CASC3: variants seen among roughly 807,000 people sequenced by gnomAD.
CASC3 encodes the protein protein CASC3.
A neutral mutation model predicts 80.5 loss-of-function variants in CASC3; 30 were observed. The ratio of observed to expected loss-of-function variants is 0.37; its 90% confidence interval spans 0.28 to 0.51. The LOEUF (loss-of-function observed/expected upper bound fraction) is 0.51. CASC3 is among the 20% of genes least tolerant of loss of function. CASC3 has a pLI of 0.94. For missense variants in CASC3, 824 were observed against 922.2 expected, an observed-to-expected ratio of 0.89 and a Z score of 1.38; for synonymous variants, 312 against 333.6, an observed-to-expected ratio of 0.94 and a Z score of 0.70.
intron 5 of CASC3, 70 bp from the exon 6 acceptor site, chr17:40,162,655 A>C (rs1026508878): frequency 1.1e-5 from 17 of 1,500,708 alleles, no homozygotes; most frequent in Non-Finnish European, 1.6e-5. Context: ...TCCCTGACCC[A>C]TTTTGTTCAA....
At chr17:40,149,032 T>C (rs1413176531) in intron 3 of CASC3, among the ~76,000 whole-genome samples, 1 of 152,076 alleles carries the variant, frequency 6.6e-6, no homozygotes, top group Non-Finnish European at 1.5e-5. Flanking sequence ...CGTGCCACCA[T>C]GCCTGGCTAA....
chr17:40,169,284 C>A, intron 11 of CASC3, 40 bp from the exon 12 acceptor site: 1 of 1,487,700 alleles, frequency 6.7e-7, no homozygotes, highest in Non-Finnish European at 8.9e-7. Context: ...TGGATGAATT[C>A]ATTCCTAACT....
intron 3 of CASC3, 117 bp from the exon 4 acceptor site, chr17:40,161,636 G>A: frequency 1.2e-6 from 1 of 831,330 alleles, no homozygotes; most frequent in Non-Finnish European, 2.0e-6. Flanking sequence ...CTGAGATTGT[G>A]CCACTGTATT....
At position 40,171,427 on chromosome 17, in the gene CASC3, C is replaced by G; in HGVS notation, c.*1022C>G. 1.0e-6 allele frequency: 1 copy of G among 986,228 alleles called. No homozygotes were observed. The highest frequency in any genetic ancestry group is 1.2e-6 in the Non-Finnish European group (1 of 830,116). The allele number at this position is 986,228 out of a possible 1,614,324, so 61.1% of individuals were successfully genotyped here. ...CCAGTTGCTGTGGACCAATGCATCTCTTTAAAGGCAAATATTATCCAGCAA... is the reference window on the plus strand; with the variant it reads ...CCAGTTGCTGTGGACCAATGCATCTGTTTAAAGGCAAATATTATCCAGCAA... On this transcript the variant is annotated 3_prime_UTR_variant, in exon 14 of 14. Transcript: ENST00000264645.
chr17:40,167,481 CTCTT>C lies in CASC3; in HGVS notation c.1537-11_1537-8del. The C allele has an allele frequency of 6.3e-7, 1 of 1,596,054 alleles. No homozygotes were observed. The highest frequency in any genetic ancestry group is 8.6e-7 in the Non-Finnish European group (1 of 1,163,954). On this transcript the variant is annotated splice_polypyrimidine_tract_variant and intron_variant, in intron 8 of 13. Transcript: ENST00000264645. ...CCTCTAGAATTCTTATTGTTTAGGC[CTCTT>C]TCTTTGTCTCAGGGTGTCCAGGGTG...
intron 6 of CASC3, 123 bp downstream of exon 6, chr17:40,163,024 C>A (rs2145176603): frequency 1.4e-6 from 1 of 702,888 alleles, no homozygotes; most frequent in Non-Finnish European, 2.3e-6. Flanking sequence ...AGTTCAAGAC[C>A]AGCCTGGGGA....
intron 3 of CASC3, among the ~76,000 whole-genome samples, chr17:40,159,386 T>G (rs1989231770): frequency 6.6e-6 from 1 of 152,142 alleles, no homozygotes; most frequent in Non-Finnish European, 1.5e-5. Flanking sequence ...GTTTGTTGTT[T>G]TTTGTTTGTT....
rs768305986 is a variant in CASC3, at chr17:40,140,566, G to A, written c.18G>A (p.Arg6=). The A allele has an allele frequency of 3.1e-6, 5 of 1,608,302 alleles. No homozygotes were observed. In the Admixed American group the frequency reaches 6.7e-5, roughly 21 times the overall value. Residue 6 remains arginine (R), a synonymous_variant, in exon 1 of 14, where the codon CGG becomes CGA. Coordinates refer to ENST00000264645, the MANE Select transcript of CASC3 (RefSeq NM_007359.5). ...TCCGTAAGATGGCGGACCGGCGGCG[G>A]CAGCGCGCTTCGCAAGACACCGAGG... MADRR[R]QRASQDTEDE...
chr17:40,161,071 C>T (rs1258862368), intron 3 of CASC3, among the ~76,000 whole-genome samples: 1 of 151,958 alleles, frequency 6.6e-6, no homozygotes, highest in Non-Finnish European at 1.5e-5. Flanking sequence ...GCTCTGCCTC[C>T]CTGGTTCAAA....
Position 40,171,953 on chromosome 17 carries a change from C to T in CASC3, c.*1548C>T. On this transcript the variant is annotated 3_prime_UTR_variant, in exon 14 of 14. Transcript: ENST00000264645. ...GTGGTTGTGCCTTTTGTAGGCTGTT[C>T]CCTTTGCCTTAAACCTGAAGATGTC... The T allele has an allele frequency of 7.8e-7, 1 of 1,284,706 alleles. No homozygotes were observed. Among genetic ancestry groups the T allele is most frequent in the South Asian group, 1.2e-5 (1 of 80,544 alleles). 79.6% of individuals were successfully genotyped at this position (1,284,706 alleles called of 1,614,324 possible). A position where few individuals can be genotyped will look rare whatever the true frequency, so the allele number is the denominator to read the frequency against.
At chr17:40,167,340 C>T (rs1308955634) in intron 8 of CASC3, 158 bp from the exon 9 acceptor site, 1 of 602,752 alleles carries the variant, frequency 1.7e-6, no homozygotes, top group African/African-American at 1.9e-5. Context: ...GGTTTAGGTT[C>T]AAATCTTGAT....
chr17:40,163,844 A>T lies in CASC3; in HGVS notation c.1149A>T (p.Pro383=), dbSNP rs751327157. 5.0e-6 allele frequency: 8 copies of T among 1,614,188 alleles called. No individual in the cohort carries two copies. In the South Asian group the frequency reaches 8.8e-5, roughly 18 times the overall value. Residue 383 remains proline (P), a synonymous_variant, in exon 7 of 14, where the codon CCA becomes CCT. Transcript: ENST00000264645. ...SPEKEEAASE[P]PAAAPDAAPP... ...AGAAGGAAGAGGCAGCCTCAGAGCC[A>T]CCAGCTGCTGCTCCTGATGCTGCAC...
At chr17:40,148,488 C>T (rs1223208402) in intron 3 of CASC3, among the ~76,000 whole-genome samples, 1 of 152,004 alleles carries the variant, frequency 6.6e-6, no homozygotes. Context: ...CCTTAGCCTC[C>T]TGAGTAGCTG....
intron 3 of CASC3, among the ~76,000 whole-genome samples, chr17:40,141,923 T>C (rs1243061431): frequency 6.6e-6 from 1 of 152,230 alleles, no homozygotes; most frequent in East Asian, 1.9e-4. Context: ...TTTTATGCAG[T>C]GTAGGTTGAG....
intron 3 of CASC3, among the ~76,000 whole-genome samples, chr17:40,151,840 T>C (rs1989018126): frequency 6.6e-6 from 1 of 152,250 alleles, no homozygotes; most frequent in Non-Finnish European, 1.5e-5. Flanking sequence ...TATGTAGATT[T>C]ATGTGTCTGG....
At chr17:40,156,731 A>G (rs1432877615) in intron 3 of CASC3, among the ~76,000 whole-genome samples, 1 of 152,058 alleles carries the variant, frequency 6.6e-6, no homozygotes, top group Non-Finnish European at 1.5e-5. Flanking sequence ...ACCTTTGGAC[A>G]ACATGGGAGT....
In CASC3 at chr17:40,168,337, A is replaced by C. The variant is rs1417518830; in HGVS notation, c.1885A>C (p.Asn629His). The C allele has an allele frequency of 2.5e-6, 4 of 1,614,084 alleles. No homozygotes were observed. Among genetic ancestry groups the C allele is most frequent in the Non-Finnish European group, 3.4e-6 (4 of 1,180,018 alleles). The change falls in exon 11 of 14, where the codon AAC becomes CAC. Residue 629 changes from asparagine (N) to histidine (H), a missense_variant. Physicochemically the swap from Asn to His is moderately conservative, Grantham distance 68 (BLOSUM62 1). Coordinates refer to ENST00000264645, the MANE Select transcript of CASC3 (RefSeq NM_007359.5). The stretch of plus-strand genomic sequence containing the variant: ...TTACTTTTCTGCTCCAGGCGTCATG[A>C]ACTTTGGTAATCCCAGTTACCCTTA... The part of the protein sequence containing the change: ...PTYFSAPGVM[N>H]FGNPSYPYAP...
intron 3 of CASC3, among the ~76,000 whole-genome samples, chr17:40,143,454 TTAAAAAA>T (rs1284933521): frequency 6.6e-6 from 1 of 151,198 alleles, no homozygotes; most frequent in African/African-American, 2.4e-5. Context: ...CTCAGAAAAT[TTAAAAAA>T]TAAAAATGAC....
intron 3 of CASC3, among the ~76,000 whole-genome samples, chr17:40,150,207 CCTCT>C (rs1233376696): frequency 6.6e-6 from 1 of 151,872 alleles, no homozygotes; most frequent in Non-Finnish European, 1.5e-5. Context: ...AAAGTGAGAC[CCTCT>C]CTCTACAAAA....
Sources: gnomAD v4.1 joint callset for allele counts (sites outside exome capture counted in the v4.1 genomes callset) on GRCh38, gnomAD v4.1.1 for gene constraint, MANE v1.5 for transcripts, NCBI Gene and HGNC (gene_info 2026-07-23, HGNC 2026-07-21) for gene names.